The following IQCM variants were observed in gnomAD, a reference collection of about 807,000 sequenced individuals.
The protein encoded by IQCM is IQ domain-containing protein M.
IQCM carries 45 observed loss-of-function variants against 57.6 expected under a neutral mutation model. The observed-to-expected ratio is 0.78, with a 90% CI of 0.62 to 1.00. The LOEUF is 1.00. IQCM is among the 50% of genes least tolerant of loss of function. IQCM has a pLI of 0.00. For missense variants in IQCM, 468 were observed against 511.6 expected (o/e 0.91, Z 0.82); for synonymous variants, 148 against 158.9 (o/e 0.93, Z 0.51).
chr4:149,772,877 C>T (rs1415007111), intron 2 of IQCM, among the ~76,000 whole-genome samples: 2 of 152,068 alleles, frequency 1.3e-5, no homozygotes, highest in African/African-American at 4.8e-5. Context: ...TGTATAAACA[C>T]TTTGTGGAAC....
In IQCM at chr4:149,678,797, C is replaced by T. The variant is rs1419564169; in HGVS notation, c.565+3321G>A. Among the ~76,000 whole-genome samples, 5 of 151,364 alleles carry T rather than the reference C, an allele frequency of 3.3e-5. No homozygotes were observed. In the East Asian group the frequency reaches 9.7e-4, roughly 29 times the overall value. On this transcript the variant is annotated intron_variant, in intron 7 of 13. Coordinates refer to ENST00000636793, the MANE Select transcript of IQCM (RefSeq NM_001363507.2). ...ATGGCCAATAGGCATATGAAAAATG[C>T]TCAATGGAGACATGTGAATCAAAAC...
rs145823825 is a variant in IQCM, at chr4:149,807,979, T to C, written c.-49+7332A>G. 4.0e-3 allele frequency among the ~76,000 whole-genome samples: 603 copies of C among 152,168 alleles called. 2 individuals carry two copies. Among genetic ancestry groups the C allele is most frequent in the Admixed American group, 5.8e-3 (88 of 15,278 alleles). On this transcript the variant is annotated intron_variant, in intron 2 of 13. Coordinates refer to ENST00000636793, the MANE Select transcript of IQCM (RefSeq NM_001363507.2). ...TTTACACTATCAATAGGAAAGTAAA[T>C]TAGTATAGTCACTGTGAAGAATGGT... is the stretch of plus-strand genomic sequence containing the variant.
intron 10 of IQCM, among the ~76,000 whole-genome samples, chr4:149,553,763 A>T (rs1252933535): frequency 4.0e-5 from 6 of 151,540 alleles, no homozygotes; most frequent in Non-Finnish European, 8.8e-5. Context: ...GTTGTTGTTG[A>T]TTTCTAAAAA....
chr4:149,597,253 C>A (rs1200274527), intron 8 of IQCM, among the ~76,000 whole-genome samples: 1 of 151,892 alleles, frequency 6.6e-6, no homozygotes, highest in Non-Finnish European at 1.5e-5. Context: ...GATAAAAAAA[C>A]ACCTAGGTTG....
At chr4:149,508,773 T>C (rs554521386) in intron 12 of IQCM, among the ~76,000 whole-genome samples, 1 of 152,256 alleles carries the variant, frequency 6.6e-6, no homozygotes, top group East Asian at 1.9e-4. Flanking sequence ...TGTGAGGACA[T>C]GAGATTTAGG....
chr4:149,773,183 C>G (rs1379838418), intron 2 of IQCM, among the ~76,000 whole-genome samples: 3 of 152,126 alleles, frequency 2.0e-5, no homozygotes, highest in Admixed American at 6.5e-5. Flanking sequence ...AACCCCATCT[C>G]TACTAATAAT....
chr4:149,508,281 C>T (rs1299759566), intron 12 of IQCM, among the ~76,000 whole-genome samples: 1 of 151,946 alleles, frequency 6.6e-6, no homozygotes, highest in Non-Finnish European at 1.5e-5. Flanking sequence ...CCACCATCCT[C>T]CAGACTCCAG....
intron 2 of IQCM, among the ~76,000 whole-genome samples, chr4:149,763,253 A>C (rs1025857563): frequency 8.5e-5 from 13 of 152,074 alleles, no homozygotes; most frequent in African/African-American, 2.7e-4. Flanking sequence ...AACAAACAAA[A>C]AAAGCCTAGT....
chr4:149,354,370 A>AG (rs1560766307), intron 13 of IQCM, among the ~76,000 whole-genome samples: 1 of 98,406 alleles, frequency 1.0e-5, no homozygotes, highest in Non-Finnish European at 2.4e-5. Flanking sequence ...TCTCAAAAAA[A>AG]AAAAAAAAAA....
At chr4:149,376,785 A>G (rs555086968) in intron 13 of IQCM, among the ~76,000 whole-genome samples, 1 of 152,152 alleles carries the variant, frequency 6.6e-6, no homozygotes, top group African/African-American at 2.4e-5. Flanking sequence ...CTTTTATCTA[A>G]TTGAGTCTGA....
chr4:149,548,721 C>A, intron 11 of IQCM, 132 bp from the exon 12 acceptor site: 1 of 433,904 alleles, frequency 2.3e-6, no homozygotes. Flanking sequence ...AACCTTCTGG[C>A]AAAGGTTAGA....
At chr4:149,756,778 GT>G (rs967918888) in intron 2 of IQCM, among the ~76,000 whole-genome samples, 1 of 152,260 alleles carries the variant, frequency 6.6e-6, no homozygotes, top group African/African-American at 2.4e-5. Flanking sequence ...TGGATTAACG[GT>G]TCTGGGTCCT....
chr4:149,553,304 G>C lies in IQCM; in HGVS notation c.949-17C>G, dbSNP rs375727233. The C allele has an allele frequency of 1.6e-5, 20 of 1,230,364 alleles. No individual in the cohort carries two copies. The highest frequency in any genetic ancestry group is 3.1e-5 in the African/African-American group (2 of 64,380). The allele number at this position is 1,230,364 out of a possible 1,614,324, so 76.2% of individuals were successfully genotyped here. A position where few individuals can be genotyped will look rare whatever the true frequency, so the allele number is the denominator to read the frequency against. On this transcript the variant is annotated splice_polypyrimidine_tract_variant and intron_variant, in intron 10 of 13. Coordinates refer to ENST00000636793, the MANE Select transcript of IQCM (RefSeq NM_001363507.2). ...ATCCAAAGCCTACAAAGACAGAAAA[G>C]CTCCTTATATATTTCTGGTATTTAT...
chr4:149,551,415 T>C (rs981999039), intron 11 of IQCM, among the ~76,000 whole-genome samples: 5 of 152,176 alleles, frequency 3.3e-5, no homozygotes, highest in Admixed American at 6.5e-5. Flanking sequence ...TATTGAAATC[T>C]GCATTACAAA....
chr4:149,810,520 G>C (rs1774475470), intron 2 of IQCM, among the ~76,000 whole-genome samples: 1 of 151,964 alleles, frequency 6.6e-6, no homozygotes. Flanking sequence ...TGCAATCTTG[G>C]CTCACTGCAA....
chr4:149,615,439 G>A (rs1199296307), intron 8 of IQCM, among the ~76,000 whole-genome samples: 1 of 152,106 alleles, frequency 6.6e-6, no homozygotes, highest in East Asian at 1.9e-4. Flanking sequence ...TCAGGATGCA[G>A]TTTTTAAAAT....
Position 149,379,290 on chromosome 4 carries a change from C to T in IQCM, c.1391-27224G>A, listed in dbSNP as rs557307611. The stretch of plus-strand genomic sequence containing the variant: ...AGTGGAGCTGTGAGAAGAGGGCCGC[C>T]GTTCTCCAGATCCCTGAATGGTAGA... On this transcript the variant is annotated intron_variant, in intron 13 of 13. Coordinates refer to ENST00000636793, the MANE Select transcript of IQCM (RefSeq NM_001363507.2). Among the ~76,000 whole-genome samples, 247 of 152,246 alleles carry T rather than the reference C, an allele frequency of 1.6e-3. 2 individuals carry two copies. The highest frequency in any genetic ancestry group is 5.5e-3 in the African/African-American group (227 of 41,556).
intron 12 of IQCM, 116 bp downstream of exon 12, chr4:149,548,339 T>C: frequency 3.5e-6 from 3 of 869,052 alleles, no homozygotes; most frequent in Non-Finnish European, 4.6e-6. Flanking sequence ...AAAAGTTTAG[T>C]AAAAGTAAGG....
At chr4:149,508,319 C>A (rs565932644) in intron 12 of IQCM, among the ~76,000 whole-genome samples, 1 of 152,102 alleles carries the variant, frequency 6.6e-6, no homozygotes, top group Admixed American at 6.5e-5. Flanking sequence ...TAGCTTGCAC[C>A]ATGTACCTGG....
Sources: gnomAD v4.1 joint callset for allele counts (sites outside exome capture counted in the v4.1 genomes callset) on GRCh38, gnomAD v4.1.1 for gene constraint, MANE v1.5 for transcripts, NCBI Gene and HGNC (gene_info 2026-07-23, HGNC 2026-07-21) for gene names.